The following BNC2 variants were observed in gnomAD, a reference collection of about 807,000 sequenced individuals.
BNC2 encodes zinc finger protein basonuclin-2.
Under a neutral mutation model 76.3 loss-of-function variants are expected in BNC2, and 20 were observed. That is an observed-to-expected ratio of 0.26 (90% CI 0.18 to 0.38). BNC2 has a LOEUF of 0.38. Among genes scored for constraint, BNC2 ranks in the 10% least tolerant of loss-of-function variants. The pLI is 1.00. For missense variants in BNC2, 1,382 were observed against 1,399.8 expected, an observed-to-expected ratio of 0.99 and a Z score of 0.20; for synonymous variants, 582 against 514.8, an observed-to-expected ratio of 1.13 and a Z score of -1.77.
chr9:16,716,028 C>G (rs1362163346), intron 3 of BNC2, among the ~76,000 whole-genome samples: 3 of 152,120 alleles, frequency 2.0e-5, no homozygotes, highest in African/African-American at 7.2e-5. Context: ...ACTGATGACC[C>G]AGCCTTACAG....
chr9:16,799,822 T>C (rs1014752931), intron 1 of BNC2, among the ~76,000 whole-genome samples: 1 of 152,142 alleles, frequency 6.6e-6, no homozygotes, highest in Non-Finnish European at 1.5e-5. Flanking sequence ...CTTGTCAGAT[T>C]TTGTTTTTTC....
chr9:16,755,573 C>T (rs1275975399), intron 1 of BNC2, among the ~76,000 whole-genome samples: 3 of 152,082 alleles, frequency 2.0e-5, no homozygotes, highest in African/African-American at 7.2e-5. Flanking sequence ...TTCCATGTCC[C>T]TAAGCTACCC....
intron 5 of BNC2, among the ~76,000 whole-genome samples, chr9:16,472,715 G>A (rs1302539369): frequency 2.6e-5 from 4 of 152,206 alleles, no homozygotes. Flanking sequence ...GCCAAGAGAT[G>A]CACCAGAAAA....
rs554130237 is a variant in BNC2 at position 16,413,008 on chromosome 9, T to C, written c.*5981A>G. The C allele has an allele frequency of 1.3e-5, 2 of 152,644 alleles. No individual in the cohort carries two copies. Among genetic ancestry groups the C allele is most frequent in the Admixed American group, 6.5e-5 (1 of 15,282 alleles). 9.5% of individuals were successfully genotyped at this position (152,644 alleles called of 1,614,324 possible). On this transcript the variant is annotated 3_prime_UTR_variant, in exon 7 of 7. Coordinates refer to ENST00000380672, the MANE Select transcript of BNC2 (RefSeq NM_017637.6). ...TTGTCTGCTGTTAGTGTGACAGTCT[T>C]GTCAGCAGCGTTCACATTACTGGAA...
At chr9:16,553,152 A>G (rs1304201951) in intron 4 of BNC2, among the ~76,000 whole-genome samples, 1 of 152,160 alleles carries the variant, frequency 6.6e-6, no homozygotes, top group Non-Finnish European at 1.5e-5. Flanking sequence ...CCCACCAAAA[A>G]CAAAACAAAA....
At position 16,435,787 on chromosome 9, in the gene BNC2, C is replaced by T. The variant is rs748296825; in HGVS notation, c.2407G>A (p.Ala803Thr). 36 of 1,614,074 alleles carry T rather than the reference C, an allele frequency of 2.2e-5. No individual in the cohort carries two copies. In the Admixed American group the frequency reaches 3.0e-4, roughly 13 times the overall value. Residue 803 changes from alanine (A) to threonine (T), a missense_variant, in exon 6 of 7, where the codon GCC becomes ACC. By Grantham distance (58) the Ala-to-Thr change is moderately conservative. Around this residue, in one of 3 missense-constraint regions of BNC2, gnomAD observed 798 missense variants for 775.5 expected, o/e 1.03. Transcript: ENST00000380672. Reference sequence around the variant, plus strand: ...GACGATGTAAAGCTCTCATGCAAGGCGGCCATGCTGGCACCCCCACCATTG... The same window carrying T: ...GACGATGTAAAGCTCTCATGCAAGGTGGCCATGCTGGCACCCCCACCATTG... Reference protein sequence around the residue: ...LYNGGGASMAALHESFTSSLN... With the variant: ...LYNGGGASMATLHESFTSSLN...
chr9:16,668,169 C>T (rs940027948), intron 3 of BNC2, among the ~76,000 whole-genome samples: 1 of 152,114 alleles, frequency 6.6e-6, no homozygotes, highest in African/African-American at 2.4e-5. Flanking sequence ...GGAAGGAGAC[C>T]TCACTGGGAG....
chr9:16,780,238 A>AAAAAAAAAAAAAAAC lies in BNC2; in HGVS notation c.4-41754_4-41753insGTTTTTTTTTTTTTT, dbSNP rs1200079489. Among the ~76,000 whole-genome samples, 72 of 100,868 alleles carry AAAAAAAAAAAAAAAC rather than the reference A, an allele frequency of 7.1e-4. No homozygotes were observed. The East Asian group carries it at 0.012, about 17-fold the overall frequency. 66.2% of individuals were successfully genotyped at this position (100,868 alleles called of 152,430 possible). A position where few individuals can be genotyped will look rare whatever the true frequency, so the allele number is the denominator to read the frequency against. On this transcript the variant is annotated intron_variant, in intron 1 of 6. Transcript: ENST00000380672. Reference sequence around the variant, plus strand: ...GTGACAGAGCAAGACTTCGTTTCAAAAAAAAAAAAAAAAAAAAACAAAAAA... The same window carrying AAAAAAAAAAAAAAAC: ...GTGACAGAGCAAGACTTCGTTTCAAAAAAAAAAAAAAAAACAAAAAAAAAAAAAAAAAACAAAAAA...
intron 3 of BNC2, among the ~76,000 whole-genome samples, chr9:16,715,559 G>C (rs1000414034): frequency 6.6e-6 from 1 of 152,196 alleles, no homozygotes; most frequent in Non-Finnish European, 1.5e-5. Flanking sequence ...TAAAATATTT[G>C]AATAGGTTGC....
chr9:16,823,949 C>T (rs550459917), intron 1 of BNC2, among the ~76,000 whole-genome samples: 1 of 152,248 alleles, frequency 6.6e-6, no homozygotes, highest in African/African-American at 2.4e-5. Flanking sequence ...TGCCTACAGA[C>T]AATTATAATT....
chr9:16,481,261 G>C (rs1367786074), intron 5 of BNC2, among the ~76,000 whole-genome samples: 1 of 152,088 alleles, frequency 6.6e-6, no homozygotes, highest in Non-Finnish European at 1.5e-5. Context: ...GCAGGATGTG[G>C]GTGGGGCCAC....
chr9:16,829,872 C>G (rs1236839301), intron 1 of BNC2, among the ~76,000 whole-genome samples: 1 of 152,026 alleles, frequency 6.6e-6, no homozygotes, highest in Non-Finnish European at 1.5e-5. Context: ...GAAATGCCCC[C>G]CTAAAGAAAA....
intron 3 of BNC2, among the ~76,000 whole-genome samples, chr9:16,627,284 G>A (rs909672718): frequency 2.0e-5 from 3 of 152,198 alleles, no homozygotes; most frequent in Non-Finnish European, 2.9e-5. Context: ...CTCAATAGCA[G>A]GCTATGGGAG....
At chr9:16,674,979 AAACT>A (rs1171125457) in intron 3 of BNC2, among the ~76,000 whole-genome samples, 1 of 152,182 alleles carries the variant, frequency 6.6e-6, no homozygotes, top group East Asian at 1.9e-4. Flanking sequence ...CCCAAATTCT[AAACT>A]AACTGACACT....
intron 6 of BNC2, among the ~76,000 whole-genome samples, chr9:16,432,563 G>A (rs568132601): frequency 1.2e-4 from 18 of 152,322 alleles, no homozygotes; most frequent in Non-Finnish European, 1.9e-4. Flanking sequence ...GTCTGCTTTC[G>A]TAAACAGAAG....
At chr9:16,600,039 T>C (rs1246327778) in intron 3 of BNC2, among the ~76,000 whole-genome samples, 3 of 152,180 alleles carry the variant, frequency 2.0e-5, no homozygotes, top group Non-Finnish European at 4.4e-5. Flanking sequence ...AACCCTGATA[T>C]ATAAGAAACC....
chr9:16,689,719 G>C (rs544025297), intron 3 of BNC2, among the ~76,000 whole-genome samples: 1 of 152,118 alleles, frequency 6.6e-6, no homozygotes, highest in African/African-American at 2.4e-5. Flanking sequence ...ACATGGCTAG[G>C]TACAAGCACT....
In BNC2 at chr9:16,727,877, T is replaced by C. The variant is rs139095515; in HGVS notation, c.250A>G (p.Arg84Gly). The change falls in exon 3 of 7, where the codon AGA (arginine) becomes GGA (glycine). Residue 84 changes from arginine to glycine, a missense_variant. This residue lies in a region of BNC2 where 557 missense variants were observed against 540.9 expected (regional missense o/e 1.03). Coordinates refer to ENST00000380672, the MANE Select transcript of BNC2 (RefSeq NM_017637.6). ...AACCCTGGTTCAGCCGTAGTCGTTC[T>C]GGTTCCGAACTGCATGGAGTTGTCA... ...CTDNSMQFGT[R>G]TTTAEPGFMG... 4 of 1,614,118 alleles carry C rather than the reference T, an allele frequency of 2.5e-6. No homozygotes were observed. The highest frequency in any genetic ancestry group is 3.4e-6 in the Non-Finnish European group (4 of 1,180,056).
chr9:16,725,569 C>T (rs1029244766), intron 3 of BNC2, among the ~76,000 whole-genome samples: 2 of 151,944 alleles, frequency 1.3e-5, no homozygotes, highest in Non-Finnish European at 2.9e-5. Flanking sequence ...TTTTGTTGTA[C>T]TACTCTATTT....
Sources: allele counts gnomAD v4.1 joint callset (sites outside exome capture counted in the v4.1 genomes callset), GRCh38; gene constraint gnomAD v4.1.1; regional missense constraint gnomAD v4.1.1; transcripts MANE v1.5; gene names NCBI Gene and HGNC (gene_info 2026-07-23, HGNC 2026-07-21).